Variants in ANKFN1 observed in about 807,000 individuals in gnomAD.
ANKFN1 encodes the protein ankyrin repeat and fibronectin type-III domain-containing protein 1.
In ANKFN1, 74 loss-of-function variants were observed where a neutral mutation model predicts 108.7. That is an observed-to-expected ratio of 0.68 (90% confidence interval 0.56 to 0.83). ANKFN1 has a LOEUF of 0.83. Ranked by LOEUF, ANKFN1 falls within the 40% of genes least tolerant of loss-of-function variation. The pLI, the probability that ANKFN1 is intolerant of heterozygous loss-of-function variation, is 0.00. For synonymous variants in ANKFN1, 547 were observed against 516.2 expected, an observed-to-expected ratio of 1.06 and a Z score of -0.81; for missense variants, 1,505 against 1,382.3, an observed-to-expected ratio of 1.09 and a Z score of -1.41.
At chr17:56,292,124 G>A (rs2044380149) in intron 3 of ANKFN1, among the ~76,000 whole-genome samples, 1 of 152,166 alleles carries the variant, frequency 6.6e-6, no homozygotes, top group South Asian at 2.1e-4. Context: ...CATCATTTGT[G>A]CCTCCCTCGT....
rs183956053 is a variant in ANKFN1, at chr17:56,498,098, C to T, written c.2428-784C>T. Among the ~76,000 whole-genome samples the T allele has an allele frequency of 2.4e-3, 369 of 152,006 alleles. 2 individuals are homozygous for T. Among genetic ancestry groups the T allele is most frequent in the African/African-American group, 8.2e-3 (339 of 41,470 alleles). ...TATCATTAAAATGACTTTGATAACC[C>T]AAAAATCAAAATGGAACAACCTAAA... On this transcript the variant is annotated intron_variant, in intron 19 of 20. Transcript: ENST00000682825.
At chr17:56,436,892 T>C (rs2048949777) in intron 8 of ANKFN1, among the ~76,000 whole-genome samples, 1 of 150,890 alleles carries the variant, frequency 6.6e-6, no homozygotes, top group African/African-American at 2.4e-5. Context: ...TCCTGCTCAC[T>C]CTGTTTCCCT....
intron 4 of ANKFN1, among the ~76,000 whole-genome samples, chr17:56,056,700 A>G (rs1334224260): frequency 6.6e-6 from 1 of 152,392 alleles, no homozygotes; most frequent in Non-Finnish European, 1.5e-5. Flanking sequence ...CTTAAATGTA[A>G]GACCTGAAAC....
intron 4 of ANKFN1, among the ~76,000 whole-genome samples, chr17:56,139,557 A>G (rs1267778585): frequency 1.3e-5 from 2 of 152,072 alleles, no homozygotes; most frequent in Non-Finnish European, 2.9e-5. Flanking sequence ...TTTTCCCCCC[A>G]TTATGCTCTG....
chr17:56,333,634 C>G (rs564064917), intron 4 of ANKFN1, among the ~76,000 whole-genome samples: 1 of 151,886 alleles, frequency 6.6e-6, no homozygotes, highest in South Asian at 2.1e-4. Context: ...TGGTCCATAC[C>G]TTTTTTTTCA....
At chr17:56,201,996 G>A (rs1914105336) in intron 1 of ANKFN1, among the ~76,000 whole-genome samples, 2 of 152,214 alleles carry the variant, frequency 1.3e-5, no homozygotes, top group African/African-American at 2.4e-5. Context: ...AGGAAAAACT[G>A]CTTCTGCCAG....
At chr17:56,457,508 T>C in intron 13 of ANKFN1, 119 bp downstream of exon 13, 1 of 1,160,212 alleles carries the variant, frequency 8.6e-7, no homozygotes, top group East Asian at 2.4e-5. Flanking sequence ...AAATAAAGTA[T>C]CTCCAAGGTC....
intron 4 of ANKFN1, among the ~76,000 whole-genome samples, chr17:56,348,730 T>A (rs555540499): frequency 6.6e-6 from 1 of 152,012 alleles, no homozygotes; most frequent in South Asian, 2.1e-4. Flanking sequence ...TACTAAAAAG[T>A]CAAAAAACAA....
intron 3 of ANKFN1, among the ~76,000 whole-genome samples, chr17:56,235,588 C>T (rs1355141372): frequency 6.6e-6 from 1 of 152,188 alleles, no homozygotes; most frequent in Non-Finnish European, 1.5e-5. Context: ...CCTGTTACCC[C>T]AGCACCATTT....
chr17:56,352,058 CTAATA>C (rs1308137368), intron 5 of ANKFN1, among the ~76,000 whole-genome samples: 1 of 152,130 alleles, frequency 6.6e-6, no homozygotes, highest in Non-Finnish European at 1.5e-5. Context: ...CGTTTGTTTT[CTAATA>C]TGTTTTCGCA....
chr17:56,150,702 G>A (rs187396246), upstream of ANKFN1, among the ~76,000 whole-genome samples: 120 of 151,846 alleles, frequency 7.9e-4, 1 homozygote, highest in African/African-American at 2.4e-3. Flanking sequence ...CCAAAATATC[G>A]TCCCTTCCTG....
At chr17:56,354,787 C>A (rs2046332477) in intron 6 of ANKFN1, among the ~76,000 whole-genome samples, 1 of 152,080 alleles carries the variant, frequency 6.6e-6, no homozygotes, top group Non-Finnish European at 1.5e-5. Context: ...CCATGTTTAT[C>A]TTTCTTTGCT....
rs1598742377 is a variant in ANKFN1 at position 56,510,644 on chromosome 17, T to C, written c.2816T>C (p.Val939Ala). The change falls in exon 21 of 21, where the codon GTC becomes GCC. Residue 939 changes from valine (V) to alanine (A), a missense_variant. Physicochemically the swap from Val to Ala is moderately conservative, Grantham distance 64. Coordinates refer to ENST00000682825, the MANE Select transcript of ANKFN1 (RefSeq NM_001370326.1). ...LSGLSGSAPDVLQVHDVKTPL... is the reference protein window; with the variant it reads ...LSGLSGSAPDALQVHDVKTPL... The stretch of plus-strand genomic sequence containing the variant: ...GGCCTAAGCGGCAGCGCCCCCGACG[T>C]CCTGCAAGTGCACGACGTGAAAACC... 2.0e-6 allele frequency: 3 copies of C among 1,536,120 alleles called. No individual in the cohort carries two copies. The highest frequency in any genetic ancestry group is 2.6e-6 in the Non-Finnish European group (3 of 1,146,904).
chr17:56,446,759 C>T (rs1462772648), intron 10 of ANKFN1, among the ~76,000 whole-genome samples: 1 of 151,734 alleles, frequency 6.6e-6, no homozygotes, highest in Non-Finnish European at 1.5e-5. Flanking sequence ...CAAAAATTAG[C>T]CAGGTGTGGT....
At chr17:56,184,196 G>A (rs1911967321) in intron 1 of ANKFN1, among the ~76,000 whole-genome samples, 1 of 152,070 alleles carries the variant, frequency 6.6e-6, no homozygotes, top group Admixed American at 6.6e-5. Flanking sequence ...TTTGTGAAAG[G>A]AAAAGTCAAT....
chr17:56,495,358 T>C (rs1364444770), intron 19 of ANKFN1, among the ~76,000 whole-genome samples: 1 of 151,232 alleles, frequency 6.6e-6, no homozygotes, highest in East Asian at 1.9e-4. Flanking sequence ...TCACTCTGTC[T>C]CTCAAAATGA....
intron 15 of ANKFN1, among the ~76,000 whole-genome samples, chr17:56,469,638 C>A (rs1432192705): frequency 1.3e-5 from 2 of 152,124 alleles, no homozygotes; most frequent in Admixed American, 1.3e-4. Flanking sequence ...CTTCTCATCC[C>A]TCACAGTTCC....
At chr17:56,315,152 G>A (rs373331829) in intron 3 of ANKFN1, among the ~76,000 whole-genome samples, 114 of 152,294 alleles carry the variant, frequency 7.5e-4, no homozygotes, top group African/African-American at 2.7e-3. Flanking sequence ...GTAAGTTAAT[G>A]TTTGCTTAAT....
intron 4 of ANKFN1, among the ~76,000 whole-genome samples, chr17:56,083,332 G>A (rs1266978519): frequency 6.6e-6 from 1 of 151,328 alleles, no homozygotes; most frequent in African/African-American, 2.4e-5. Context: ...CACCTATCAT[G>A]TGTTAGACAT....
Sources: gnomAD v4.1 joint callset for allele counts (sites outside exome capture counted in the v4.1 genomes callset) on GRCh38, gnomAD v4.1.1 for gene constraint, MANE v1.5 for transcripts, NCBI Gene and HGNC (gene_info 2026-07-23, HGNC 2026-07-21) for gene names.